The following LHFPL3 variants were observed in gnomAD, a reference collection of about 807,000 sequenced individuals.
LHFPL3 encodes LHFPL tetraspan subfamily member 3, also known as LHFPL tetraspan subfamily member 3 protein.
Under a neutral mutation model 19.3 loss-of-function variants are expected in LHFPL3, and 5 were observed. The observed-to-expected ratio is 0.26, with a 90% CI of 0.14 to 0.54. The LOEUF (loss-of-function observed/expected upper bound fraction) is 0.54. LHFPL3 is among the 20% of genes least tolerant of loss of function. The pLI, the probability that LHFPL3 is intolerant of heterozygous loss-of-function variation, is 0.94. For missense variants in LHFPL3, 249 were observed against 307.4 expected (o/e 0.81, Z 1.42); for synonymous variants, 133 against 126.2 (o/e 1.05, Z -0.36).
intron 1 of LHFPL3, among the ~76,000 whole-genome samples, chr7:104,658,714 CAGG>C (rs1484627112): frequency 6.6e-6 from 1 of 152,102 alleles, no homozygotes; most frequent in Non-Finnish European, 1.5e-5. Flanking sequence ...CGCTTGAACC[CAGG>C]AGGAGGAGGT....
chr7:104,773,983 G>A (rs1294445612), intron 2 of LHFPL3, among the ~76,000 whole-genome samples: 1 of 152,170 alleles, frequency 6.6e-6, no homozygotes, highest in Non-Finnish European at 1.5e-5. Context: ...GAACACAAAG[G>A]GTAGGACAAC....
At chr7:104,625,503 G>A (rs1037586156) in intron 1 of LHFPL3, among the ~76,000 whole-genome samples, 1 of 152,148 alleles carries the variant, frequency 6.6e-6, no homozygotes, top group Non-Finnish European at 1.5e-5. Flanking sequence ...GTAACACTTG[G>A]TATTTTCTAT....
chr7:104,824,945 G>A (rs1197053174), intron 2 of LHFPL3, among the ~76,000 whole-genome samples: 1 of 141,756 alleles, frequency 7.1e-6, no homozygotes, highest in Non-Finnish European at 1.5e-5. Flanking sequence ...TATATAATGT[G>A]TTTAGGAGCT....
chr7:104,756,535 T>C (rs1341384757), intron 2 of LHFPL3, among the ~76,000 whole-genome samples: 1 of 152,242 alleles, frequency 6.6e-6, no homozygotes, highest in Non-Finnish European at 1.5e-5. Flanking sequence ...AGTCTCACTC[T>C]GTCACTCAGG....
intron 1 of LHFPL3, among the ~76,000 whole-genome samples, chr7:104,613,595 C>T (rs1356382770): frequency 6.6e-6 from 1 of 152,232 alleles, no homozygotes; most frequent in East Asian, 1.9e-4. Flanking sequence ...AATTCCGCAA[C>T]ACCAACCCAT....
At chr7:104,449,050 C>T (rs564108523) in intron 1 of LHFPL3, among the ~76,000 whole-genome samples, 1 of 152,270 alleles carries the variant, frequency 6.6e-6, no homozygotes, top group South Asian at 2.1e-4. Context: ...GATTCATTTC[C>T]TTCAGGATAA....
intron 1 of LHFPL3, among the ~76,000 whole-genome samples, chr7:104,363,791 G>A (rs1790435552): frequency 6.6e-6 from 1 of 152,182 alleles, no homozygotes; most frequent in African/African-American, 2.4e-5. Context: ...AGAGTGACAT[G>A]ATTTTTCTGT....
At chr7:104,573,630 C>A (rs868748639) in intron 1 of LHFPL3, among the ~76,000 whole-genome samples, 1 of 152,154 alleles carries the variant, frequency 6.6e-6, no homozygotes. Flanking sequence ...CTACATCAGT[C>A]GCTGCAATGG....
At chr7:104,682,941 A>C (rs1021195258) in intron 1 of LHFPL3, among the ~76,000 whole-genome samples, 1 of 152,200 alleles carries the variant, frequency 6.6e-6, no homozygotes, top group Non-Finnish European at 1.5e-5. Context: ...ATTTCTTTTC[A>C]GTTGTATTTC....
At position 104,645,593 on chromosome 7, in the gene LHFPL3, A is replaced by C. The variant is rs867813384; in HGVS notation, c.446-91082A>C. 8.0e-5 allele frequency among the ~76,000 whole-genome samples: 12 copies of C among 150,432 alleles called. 1 individual carries two copies. The highest frequency in any genetic ancestry group is 6.4e-3 in the Middle Eastern group (2 of 312). On this transcript the variant is annotated intron_variant, in intron 1 of 2. Coordinates refer to ENST00000424859, the MANE Select transcript of LHFPL3 (RefSeq NM_199000.3). ...ATGCAGCAAAATGTACCAAAGGTGCATGTCTAAATCTTCATGGAAAGTGAG... is the reference window on the plus strand; with the variant it reads ...ATGCAGCAAAATGTACCAAAGGTGCCTGTCTAAATCTTCATGGAAAGTGAG...
chr7:104,645,601 A>G (rs756017216), intron 1 of LHFPL3, among the ~76,000 whole-genome samples: 19 of 150,150 alleles, frequency 1.3e-4, no homozygotes, highest in Non-Finnish European at 2.7e-4. Flanking sequence ...GCATGTCTAA[A>G]TCTTCATGGA....
intron 2 of LHFPL3, among the ~76,000 whole-genome samples, chr7:104,755,099 A>T (rs1794257032): frequency 6.6e-6 from 1 of 152,162 alleles, no homozygotes; most frequent in Admixed American, 6.6e-5. Context: ...AAGTCTAGGG[A>T]TTAGAACATC....
chr7:104,904,379 A>T (rs1173602632), intron 2 of LHFPL3, among the ~76,000 whole-genome samples: 3 of 152,230 alleles, frequency 2.0e-5, no homozygotes, highest in African/African-American at 7.2e-5. Flanking sequence ...GGCTGGGCAC[A>T]GTGGCTCATG....
rs73405706 is a variant in LHFPL3, at chr7:104,432,418, T to C, written c.445+103194T>C. Among the ~76,000 whole-genome samples, 566 of 152,326 alleles carry C rather than the reference T, an allele frequency of 3.7e-3. 2 individuals carry two copies. Among genetic ancestry groups the C allele is most frequent in the African/African-American group, 0.013 (527 of 41,580 alleles). ...CCTTGACTTCCCCATAGCACATTTA[T>C]AGGATGCTTCTTTTTCTTCTCCTTT... is the stretch of plus-strand genomic sequence containing the variant. On this transcript the variant is annotated intron_variant, in intron 1 of 2. Transcript: ENST00000424859.
rs34908934 is a variant in LHFPL3 at position 104,497,309 on chromosome 7, G to GAA, written c.445+168102_445+168103dup. 5.6e-3 allele frequency among the ~76,000 whole-genome samples: 540 copies of GAA among 96,686 alleles called. 20 individuals carry two copies. In the East Asian group the frequency reaches 0.12, roughly 22 times the overall value. 63.4% of individuals were successfully genotyped at this position (96,686 alleles called of 152,430 possible). ...AACCGAAAATAAAAGTTGAGAAAAGGAAAAAAAAAAAAAAAAAAGAAGAAG... is the reference window on the plus strand; with the variant it reads ...AACCGAAAATAAAAGTTGAGAAAAGGAAAAAAAAAAAAAAAAAAAAGAAGAAG... On this transcript the variant is annotated intron_variant, in intron 1 of 2. Transcript: ENST00000424859.
At chr7:104,674,866 A>T (rs1792561372) in intron 1 of LHFPL3, among the ~76,000 whole-genome samples, 1 of 152,222 alleles carries the variant, frequency 6.6e-6, no homozygotes, top group African/African-American at 2.4e-5. Context: ...TAAATCAATA[A>T]GAGAAACACT....
chr7:104,863,673 A>G (rs1195960918), intron 2 of LHFPL3, among the ~76,000 whole-genome samples: 1 of 152,216 alleles, frequency 6.6e-6, no homozygotes, highest in Non-Finnish European at 1.5e-5. Context: ...TGTTGTCCCC[A>G]TTGTAGATAG....
intron 1 of LHFPL3, among the ~76,000 whole-genome samples, chr7:104,683,611 A>G (rs1792751975): frequency 1.3e-5 from 2 of 152,138 alleles, no homozygotes; most frequent in East Asian, 1.9e-4. Context: ...ACATAAAGTC[A>G]GCTTCCAGGA....
chr7:104,452,190 T>C (rs1161939438), intron 1 of LHFPL3, among the ~76,000 whole-genome samples: 2 of 152,112 alleles, frequency 1.3e-5, no homozygotes, highest in South Asian at 2.1e-4. Flanking sequence ...ATAGATTGAT[T>C]TGTGTGATTT....
Sources: allele counts gnomAD v4.1 joint callset (sites outside exome capture counted in the v4.1 genomes callset), GRCh38; gene constraint gnomAD v4.1.1; transcripts MANE v1.5; gene names NCBI Gene and HGNC (gene_info 2026-07-23, HGNC 2026-07-21).